The following PALM2AKAP2 variants were observed in gnomAD, a reference collection of about 807,000 sequenced individuals.
The protein encoded by PALM2AKAP2 is PALM2-AKAP2 fusion protein.
In PALM2AKAP2, 37 loss-of-function variants were observed where a neutral mutation model predicts 71.5. The observed-to-expected ratio is 0.52, with a 90% CI of 0.40 to 0.68. The LOEUF (loss-of-function observed/expected upper bound fraction) is 0.68, where lower values mean the gene tolerates loss of function less well. PALM2AKAP2 is among the 30% of genes least tolerant of loss of function. The pLI is 0.00. For synonymous variants in PALM2AKAP2, 468 were observed against 478.8 expected (o/e 0.98, Z 0.29); for missense variants, 1,224 against 1,191.8 (o/e 1.03, Z -0.40).
At chr9:110,135,188 T>TATATATATATAA (rs1484544851) in intron 1 of PALM2AKAP2, among the ~76,000 whole-genome samples, 15 of 93,528 alleles carry the variant, frequency 1.6e-4, no homozygotes, top group African/African-American at 6.7e-4. Context: ...TATATATATA[T>TATATATATATAA]AAATCAGCCA....
chr9:109,777,056 T>A (rs1049855025), upstream of PALM2AKAP2, among the ~76,000 whole-genome samples: 2 of 152,234 alleles, frequency 1.3e-5, no homozygotes, highest in African/African-American at 4.8e-5. Context: ...TTAGGAACCA[T>A]GTTTTAGTCT....
intron 1 of PALM2AKAP2, among the ~76,000 whole-genome samples, chr9:109,761,840 G>A (rs1829058856): frequency 6.6e-6 from 1 of 152,128 alleles, no homozygotes; most frequent in Admixed American, 6.5e-5. Context: ...ACATACATGT[G>A]CATGTATCTT....
At chr9:109,729,227 T>G (rs557009889) in intron 1 of PALM2AKAP2, among the ~76,000 whole-genome samples, 3 of 152,308 alleles carry the variant, frequency 2.0e-5, no homozygotes, top group South Asian at 4.1e-4. Flanking sequence ...CTAGGTACAT[T>G]GCCACCGACT....
chr9:110,103,168 T>C (rs1312365907), intron 1 of PALM2AKAP2, among the ~76,000 whole-genome samples: 2 of 152,188 alleles, frequency 1.3e-5, no homozygotes, highest in Non-Finnish European at 2.9e-5. Context: ...GCGCTTCTCA[T>C]AGATGCAATT....
chr9:109,825,659 A>G (rs1206278632), intron 1 of PALM2AKAP2, among the ~76,000 whole-genome samples: 2 of 152,230 alleles, frequency 1.3e-5, no homozygotes, highest in East Asian at 1.9e-4. Context: ...CAAAACCACA[A>G]TGAGATACCA....
At chr9:109,714,733 G>A (rs1022185384) in intron 1 of PALM2AKAP2, among the ~76,000 whole-genome samples, 1 of 152,256 alleles carries the variant, frequency 6.6e-6, no homozygotes, top group Middle Eastern at 3.4e-3. Flanking sequence ...CTCACCCAGT[G>A]GCTGGCACTC....
chr9:109,806,403 A>G (rs10816881), intron 1 of PALM2AKAP2, among the ~76,000 whole-genome samples: 26,894 of 152,172 alleles, frequency 0.18, 2,759 homozygotes, highest in East Asian at 0.35. Flanking sequence ...ATATTTGTGG[A>G]TGCTGAGAAT....
chr9:109,888,836 G>C (rs1188839601), intron 3 of PALM2AKAP2, among the ~76,000 whole-genome samples: 1 of 152,092 alleles, frequency 6.6e-6, no homozygotes, highest in East Asian at 1.9e-4. Flanking sequence ...TGTTGTGAGT[G>C]GCTGTCTTGA....
intron 1 of PALM2AKAP2, among the ~76,000 whole-genome samples, chr9:109,748,635 T>C (rs1828838674): frequency 6.6e-6 from 1 of 152,188 alleles, no homozygotes; most frequent in African/African-American, 2.4e-5. Context: ...ATGCTGACAG[T>C]TACACAATTT....
intron 1 of PALM2AKAP2, among the ~76,000 whole-genome samples, chr9:109,817,595 T>G (rs984396664): frequency 6.6e-6 from 1 of 152,188 alleles, no homozygotes; most frequent in Non-Finnish European, 1.5e-5. Flanking sequence ...ACAGTGTCTA[T>G]GGGTTGAAAA....
intron 1 of PALM2AKAP2, among the ~76,000 whole-genome samples, chr9:109,663,089 T>C (rs1827424902): frequency 6.6e-6 from 1 of 152,166 alleles, no homozygotes; most frequent in South Asian, 2.1e-4. Flanking sequence ...CTTTCTTCTT[T>C]ATTAGTTTGG....
chr9:109,905,872 C>A (rs1324373394), intron 3 of PALM2AKAP2, among the ~76,000 whole-genome samples: 1 of 152,156 alleles, frequency 6.6e-6, no homozygotes, highest in Admixed American at 6.5e-5. Flanking sequence ...TTCCTGTAAT[C>A]CCAGCATTTT....
upstream of PALM2AKAP2, among the ~76,000 whole-genome samples, chr9:109,775,475 C>A (rs1829337193): frequency 6.6e-6 from 1 of 152,210 alleles, no homozygotes; most frequent in African/African-American, 2.4e-5. Context: ...GAAATCCCAT[C>A]AACTTTCCCA....
At chr9:110,034,604 C>CCTTTT (rs1833345799) in intron 7 of PALM2AKAP2, among the ~76,000 whole-genome samples, 1 of 118,334 alleles carries the variant, frequency 8.5e-6, no homozygotes, top group African/African-American at 3.5e-5. Context: ...ATATATTCCC[C>CCTTTT]TTTTTTTTTT....
intron 3 of PALM2AKAP2, among the ~76,000 whole-genome samples, chr9:109,889,595 G>C (rs1010493549): frequency 1.3e-5 from 2 of 152,164 alleles, no homozygotes; most frequent in African/African-American, 4.8e-5. Flanking sequence ...TAGATGCTTA[G>C]GGTTTGTGGT....
rs138521468 is a variant in PALM2AKAP2, at chr9:109,654,255, G to A, written c.5+13389G>A. ...ATGATGTGTTAGGCCCAAGAAGCTC[G>A]TGGTATTCCATTTTCTGAACAAGAT... On this transcript the variant is annotated intron_variant, in intron 1 of 6. Transcript: ENST00000374531. Among the ~76,000 whole-genome samples the A allele has an allele frequency of 4.3e-4, 65 of 152,244 alleles. No individual in the cohort carries two copies. The East Asian group carries it at 6.2e-3, about 14-fold the overall frequency.
At chr9:109,852,561 G>A (rs1358937702) in intron 1 of PALM2AKAP2, among the ~76,000 whole-genome samples, 1 of 152,156 alleles carries the variant, frequency 6.6e-6, no homozygotes, top group African/African-American at 2.4e-5. Context: ...TAATAGGATT[G>A]CAGAGTCCAG....
chr9:110,070,793 G>A (rs952791680), intron 1 of PALM2AKAP2, among the ~76,000 whole-genome samples: 1 of 152,106 alleles, frequency 6.6e-6, no homozygotes, highest in African/African-American at 2.4e-5. Context: ...GACCTTTGGC[G>A]TGCTACTCTT....
chr9:109,746,684 C>CA (rs1047962455), intron 1 of PALM2AKAP2, among the ~76,000 whole-genome samples: 12 of 151,862 alleles, frequency 7.9e-5, no homozygotes, highest in Non-Finnish European at 1.6e-4. Context: ...CTGGTTCAGG[C>CA]ACTGCTGTAA....
Sources: gnomAD v4.1 joint callset for allele counts (sites outside exome capture counted in the v4.1 genomes callset) on GRCh38, gnomAD v4.1.1 for gene constraint, MANE v1.5 for transcripts, NCBI Gene and HGNC (gene_info 2026-07-23, HGNC 2026-07-21) for gene names.